The following ST7 variants were observed in gnomAD, a reference collection of about 807,000 sequenced individuals.
The protein encoded by ST7 is suppression of tumorigenicity 7.
Under a neutral mutation model 78.7 loss-of-function variants are expected in ST7, and 28 were observed. That is an observed-to-expected ratio of 0.36 (90% CI 0.26 to 0.49). ST7 has a LOEUF of 0.49. Among genes scored for constraint, ST7 ranks in the 20% least tolerant of loss-of-function variants. The pLI is 0.99. For synonymous variants in ST7, 247 were observed against 249.6 expected (o/e 0.99, Z 0.10); for missense variants, 418 against 696.0 (o/e 0.60, Z 4.49).
intron 3 of ST7, among the ~76,000 whole-genome samples, chr7:117,121,477 T>C (rs1803357790): frequency 6.6e-6 from 1 of 152,252 alleles, no homozygotes; most frequent in East Asian, 1.9e-4. Flanking sequence ...ACAAAATTTA[T>C]GTATACACTA....
intron 1 of ST7, among the ~76,000 whole-genome samples, chr7:117,053,626 G>A (rs1349348592): frequency 1.3e-5 from 2 of 152,156 alleles, no homozygotes; most frequent in East Asian, 3.8e-4. Flanking sequence ...ACCTCCTTCT[G>A]GCCACCCTTC....
At chr7:116,966,181 A>G (rs1793099067) in intron 1 of ST7, 2 of 369,362 alleles carry the variant, frequency 5.4e-6, no homozygotes, top group Admixed American at 3.6e-5. Context: ...TTTTTAGTGG[A>G]TTACACTTAT....
At position 116,999,885 on chromosome 7, in the gene ST7, A is replaced by C. The variant is rs1487571077; in HGVS notation, c.151+46194A>C. Among the ~76,000 whole-genome samples the C allele has an allele frequency of 3.0e-5, 4 of 135,058 alleles. No homozygotes were observed. In the East Asian group the frequency reaches 8.6e-4, roughly 29 times the overall value. 88.6% of individuals were successfully genotyped at this position (135,058 alleles called of 152,430 possible). On this transcript the variant is annotated intron_variant, in intron 1 of 15. Transcript: ENST00000323984. ...GAGTGCAGTGGCGCAATCTCAGCTC[A>C]CTGCAAGCTTCATCTCCTGGGTTCA... is the stretch of plus-strand genomic sequence containing the variant.
intron 2 of ST7, among the ~76,000 whole-genome samples, chr7:117,104,573 C>T (rs1801812846): frequency 6.6e-6 from 1 of 152,124 alleles, no homozygotes; most frequent in South Asian, 2.1e-4. Flanking sequence ...TCTCAAAAAG[C>T]TAGAAATTGA....
chr7:116,998,416 G>A (rs946753614), intron 1 of ST7, among the ~76,000 whole-genome samples: 2 of 152,208 alleles, frequency 1.3e-5, no homozygotes, highest in Non-Finnish European at 2.9e-5. Context: ...AGCTGGCTCC[G>A]GCCTCGGCCA....
intron 9 of ST7, among the ~76,000 whole-genome samples, chr7:117,162,505 G>A (rs1225203090): frequency 1.3e-5 from 2 of 148,580 alleles, no homozygotes; most frequent in Non-Finnish European, 3.0e-5. Flanking sequence ...CGCACACGGG[G>A]GATATTTGTG....
chr7:117,168,999 G>A (rs1030024757), intron 9 of ST7, among the ~76,000 whole-genome samples: 3 of 152,156 alleles, frequency 2.0e-5, no homozygotes, highest in African/African-American at 7.2e-5. Context: ...TAGAGGATTA[G>A]AGGAGAATAT....
chr7:116,975,439 G>A (rs766728685), intron 1 of ST7, among the ~76,000 whole-genome samples: 16 of 151,704 alleles, frequency 1.1e-4, no homozygotes, highest in East Asian at 5.8e-4. Context: ...ATGGAATCTC[G>A]CTTTGTCTCC....
chr7:117,082,752 G>A (rs1799880063), intron 1 of ST7, among the ~76,000 whole-genome samples: 1 of 152,190 alleles, frequency 6.6e-6, no homozygotes, highest in Admixed American at 6.5e-5. Context: ...AGCTTTGCAG[G>A]CTGTACAGTT....
At chr7:117,071,381 A>G (rs573936729) in intron 1 of ST7, among the ~76,000 whole-genome samples, 1 of 152,346 alleles carries the variant, frequency 6.6e-6, no homozygotes, top group East Asian at 1.9e-4. Context: ...AAAACTTTTA[A>G]ACTTTAACCC....
intron 12 of ST7, among the ~76,000 whole-genome samples, chr7:117,204,192 T>C (rs981128564): frequency 2.0e-5 from 3 of 152,214 alleles, no homozygotes; most frequent in Non-Finnish European, 4.4e-5. Flanking sequence ...CTGTGGGACA[T>C]GTATATGTGG....
chr7:117,107,659 G>A (rs371545310), intron 2 of ST7, among the ~76,000 whole-genome samples: 6 of 140,092 alleles, frequency 4.3e-5, no homozygotes, highest in African/African-American at 1.1e-4. Context: ...TGTTGCCCAG[G>A]CTGGAGTGCA....
intron 3 of ST7, among the ~76,000 whole-genome samples, chr7:117,120,083 A>G (rs2116945690): frequency 6.6e-6 from 1 of 152,182 alleles, no homozygotes; most frequent in East Asian, 1.9e-4. Context: ...GGTGTGCACC[A>G]CCATGCCTGG....
intron 1 of ST7, among the ~76,000 whole-genome samples, chr7:117,005,222 A>G (rs771449518): frequency 5.9e-5 from 9 of 152,238 alleles, no homozygotes; most frequent in Non-Finnish European, 1.2e-4. Flanking sequence ...TAATATTGAC[A>G]AAAATAACTT....
intron 1 of ST7, among the ~76,000 whole-genome samples, chr7:117,047,082 T>C (rs533718319): frequency 1.2e-4 from 18 of 152,158 alleles, no homozygotes; most frequent in Non-Finnish European, 2.6e-4. Flanking sequence ...TACTACATGG[T>C]CTTGGATCTA....
intron 1 of ST7, chr7:117,020,405 A>G (rs2116020275): frequency 6.9e-6 from 3 of 437,292 alleles, no homozygotes; most frequent in Non-Finnish European, 7.2e-6. Context: ...TTGCATTTCA[A>G]TCACACCGGG....
chr7:116,967,914 C>T (rs1455473866), intron 1 of ST7, among the ~76,000 whole-genome samples: 1 of 152,138 alleles, frequency 6.6e-6, no homozygotes, highest in Non-Finnish European at 1.5e-5. Flanking sequence ...TTCATAGTTA[C>T]ATGTATGTCC....
intron 1 of ST7, among the ~76,000 whole-genome samples, chr7:117,036,556 G>A (rs1554428726): frequency 1.3e-5 from 2 of 152,066 alleles, no homozygotes; most frequent in Non-Finnish European, 2.9e-5. Context: ...TGCACTTTTT[G>A]TTTTCTATCC....
At chr7:117,095,702 G>T (rs1475945507) in intron 1 of ST7, among the ~76,000 whole-genome samples, 1 of 152,174 alleles carries the variant, frequency 6.6e-6, no homozygotes, top group African/African-American at 2.4e-5. Flanking sequence ...AGCTAGATTA[G>T]TTGTTACATG....
Sources: allele counts gnomAD v4.1 joint callset (sites outside exome capture counted in the v4.1 genomes callset), GRCh38; gene constraint gnomAD v4.1.1; transcripts MANE v1.5; gene names NCBI Gene and HGNC (gene_info 2026-07-23, HGNC 2026-07-21).